VPS35L: variants seen among roughly 807,000 people sequenced by gnomAD.
VPS35L encodes VPS35 endosomal protein-sorting factor-like.
VPS35L carries 83 observed loss-of-function variants against 133.0 expected under a neutral mutation model. The observed-to-expected ratio is 0.62, with a 90% CI of 0.52 to 0.75. The LOEUF is 0.75. Among genes scored for constraint, VPS35L ranks in the 30% least tolerant of loss-of-function variants. VPS35L has a pLI of 0.00. For missense variants in VPS35L, 1,083 were observed against 1,206.8 expected (o/e 0.90, Z 1.52); for synonymous variants, 423 against 449.9 (o/e 0.94, Z 0.76).
chr16:19,560,670 C>G (rs1298312236), intron 1 of VPS35L, among the ~76,000 whole-genome samples: 1 of 152,010 alleles, frequency 6.6e-6, no homozygotes, highest in African/African-American at 2.4e-5. Context: ...GTGACACACA[C>G]CTGTAATCCC....
intron 1 of VPS35L, among the ~76,000 whole-genome samples, chr16:19,562,674 T>C (rs1441501149): frequency 6.6e-6 from 1 of 152,188 alleles, no homozygotes; most frequent in African/African-American, 2.4e-5. Flanking sequence ...CAGATCTTCA[T>C]AATAGAGATT....
At chr16:19,582,458 A>G (rs1199803699) in intron 7 of VPS35L, among the ~76,000 whole-genome samples, 1 of 152,196 alleles carries the variant, frequency 6.6e-6, no homozygotes, top group Non-Finnish European at 1.5e-5. Flanking sequence ...TTCACACTGG[A>G]CACATGAAGT....
At chr16:19,567,755 G>A (rs149077694) in intron 2 of VPS35L, among the ~76,000 whole-genome samples, 2 of 152,132 alleles carry the variant, frequency 1.3e-5, no homozygotes, top group African/African-American at 4.8e-5. Context: ...GATCCCTTGG[G>A]CCCAGGAGTT....
At chr16:19,637,113 T>C (rs889700023) in intron 19 of VPS35L, among the ~76,000 whole-genome samples, 1 of 152,272 alleles carries the variant, frequency 6.6e-6, no homozygotes, top group Admixed American at 6.5e-5. Context: ...CATTTAATGT[T>C]GGCAATGGCT....
chr16:19,579,278 G>C lies in VPS35L; in HGVS notation c.510+150G>C, dbSNP rs545741564. On this transcript the variant is annotated intron_variant, in intron 6 of 30. Transcript: ENST00000417362. The stretch of plus-strand genomic sequence containing the variant: ...GAGGCAATGACTCCATCCAGGGAAG[G>C]GTGCCAGTGTGCAGTTGGCCGAGCT... 618 of 689,992 alleles carry C rather than the reference G, an allele frequency of 9.0e-4. 1 individual carries two copies. Among genetic ancestry groups the C allele is most frequent in the African/African-American group, 7.7e-3 (428 of 55,650 alleles). 42.7% of individuals were successfully genotyped at this position (689,992 alleles called of 1,614,324 possible).
intron 3 of VPS35L, among the ~76,000 whole-genome samples, chr16:19,570,913 G>A (rs1405109870): frequency 7.5e-6 from 1 of 133,544 alleles, no homozygotes; most frequent in African/African-American, 2.8e-5. Flanking sequence ...GTCTCACACT[G>A]TCACCCGGGC....
chr16:19,690,765 G>A (rs561732472), intron 28 of VPS35L, among the ~76,000 whole-genome samples: 21 of 152,122 alleles, frequency 1.4e-4, no homozygotes, highest in Admixed American at 9.2e-4. Flanking sequence ...AGCTTGGCCA[G>A]CATGGTGAAA....
At chr16:19,622,578 G>A (rs571645954) in intron 14 of VPS35L, among the ~76,000 whole-genome samples, 15 of 152,192 alleles carry the variant, frequency 9.9e-5, no homozygotes, top group South Asian at 2.1e-4. Context: ...AAAAAAATCC[G>A]TGTCTAAGTG....
chr16:19,671,132 G>T (rs1365038605), intron 27 of VPS35L, among the ~76,000 whole-genome samples: 6 of 152,104 alleles, frequency 3.9e-5, no homozygotes, highest in African/African-American at 1.2e-4. Flanking sequence ...TAGTGTAATT[G>T]GTTTGCTTTT....
intron 11 of VPS35L, among the ~76,000 whole-genome samples, chr16:19,609,412 A>T (rs1257441143): frequency 2.6e-5 from 4 of 152,260 alleles, no homozygotes; most frequent in Admixed American, 2.0e-4. Flanking sequence ...TGGGTCACAC[A>T]TGCAACAATG....
Position 19,555,757 on chromosome 16 carries a change from A to C in VPS35L, c.17+11A>C. 1.3e-6 allele frequency: 2 copies of C among 1,571,684 alleles called. No individual in the cohort carries two copies. The highest frequency in any genetic ancestry group is 1.8e-5 in the Admixed American group (1 of 55,006). ...GGCCGTCTTTCCTTGGTAAGGAAGC[A>C]GCGGCGGGTGGGCTTTGGAGAGGGG... On this transcript the variant is annotated intron_variant, in intron 1 of 30. Transcript: ENST00000417362.
At chr16:19,648,924 T>C (rs1365485376) in intron 24 of VPS35L, among the ~76,000 whole-genome samples, 1 of 151,784 alleles carries the variant, frequency 6.6e-6, no homozygotes, top group Non-Finnish European at 1.5e-5. Flanking sequence ...TAAGTATTTA[T>C]GTCTAACAAC....
At chr16:19,664,863 G>A (rs1256864411) in intron 26 of VPS35L, among the ~76,000 whole-genome samples, 1 of 149,922 alleles carries the variant, frequency 6.7e-6, no homozygotes, top group Non-Finnish European at 1.5e-5. Flanking sequence ...TCACATCACC[G>A]CATTCCAGCC....
chr16:19,607,997 G>A (rs1313321406), intron 9 of VPS35L, 181 bp from the exon 10 acceptor site: 1 of 586,212 alleles, frequency 1.7e-6, no homozygotes, highest in East Asian at 2.8e-5. Context: ...TTGGCACTTA[G>A]AAAGCCTGTG....
At position 19,682,403 on chromosome 16, in the gene VPS35L, C is replaced by T. The variant is rs995856688; in HGVS notation, c.2527+13C>T. 1.2e-6 allele frequency: 2 copies of T among 1,611,996 alleles called. No individual in the cohort carries two copies. The highest frequency in any genetic ancestry group is 1.1e-5 in the South Asian group (1 of 90,988). On this transcript the variant is annotated intron_variant, in intron 28 of 30. Coordinates refer to ENST00000417362, the MANE Select transcript of VPS35L (RefSeq NM_020314.7). ...CACATAGACAAAGGTAGCAGAGCCT[C>T]CCCCACCAAACCATGCTCCGCATGG... is the stretch of plus-strand genomic sequence containing the variant.
intron 7 of VPS35L, 82 bp downstream of exon 7, chr16:19,581,735 A>C: frequency 6.7e-7 from 1 of 1,493,166 alleles, no homozygotes; most frequent in Non-Finnish European, 9.2e-7. Flanking sequence ...TCAGGGGCCT[A>C]CCTGCAGGGT....
intron 27 of VPS35L, among the ~76,000 whole-genome samples, chr16:19,670,955 A>T (rs2151606797): frequency 6.6e-6 from 1 of 152,358 alleles, no homozygotes; most frequent in East Asian, 1.9e-4. Context: ...ATATGTTCAC[A>T]TCACATTTCA....
chr16:19,640,646 T>C lies in VPS35L; in HGVS notation c.1784+546T>C, dbSNP rs527825371. On this transcript the variant is annotated intron_variant, in intron 21 of 30. Coordinates refer to ENST00000417362, the MANE Select transcript of VPS35L (RefSeq NM_020314.7). ...TTAACAAAAAAGAAAAAAAATCAAATTTAGTTCTTTTCATTTTTTTGATTA... is the reference window on the plus strand; with the variant it reads ...TTAACAAAAAAGAAAAAAAATCAAACTTAGTTCTTTTCATTTTTTTGATTA... Among the ~76,000 whole-genome samples, 6 of 152,364 alleles carry C rather than the reference T, an allele frequency of 3.9e-5. No individual in the cohort carries two copies. In the South Asian group the frequency reaches 1.2e-3, roughly 32 times the overall value.
Position 19,639,076 on chromosome 16 carries a change from A to T in VPS35L, c.1699-939A>T, listed in dbSNP as rs1973707203. On this transcript the variant is annotated intron_variant, in intron 20 of 30. Transcript: ENST00000417362. This position sits in a 1 kb window ranked among gnomAD's most constrained non-coding sequence, Gnocchi z 4.1. The stretch of plus-strand genomic sequence containing the variant: ...ACAACAGAGCGAAACTCTGTTTCAA[A>T]CAAATAAAATGCAATAAAAATAAAA... 6.6e-6 allele frequency among the ~76,000 whole-genome samples: 1 copy of T among 152,262 alleles called. No homozygotes were observed. Among genetic ancestry groups the T allele is most frequent in the African/African-American group, 2.4e-5 (1 of 41,474 alleles).
Sources: allele counts gnomAD v4.1 joint callset (sites outside exome capture counted in the v4.1 genomes callset), GRCh38; gene constraint gnomAD v4.1.1; non-coding constraint Gnocchi (gnomAD v3.1); transcripts MANE v1.5; gene names NCBI Gene and HGNC (gene_info 2026-07-23, HGNC 2026-07-21).